Variants in IMPG2 observed in about 807,000 individuals in gnomAD.
The protein encoded by IMPG2 is interphotoreceptor matrix proteoglycan 2.
Under a neutral mutation model 129.2 loss-of-function variants are expected in IMPG2, and 91 were observed. The ratio of observed to expected loss-of-function variants is 0.70; its 90% CI spans 0.59 to 0.84. IMPG2 has a LOEUF of 0.84. Ranked by LOEUF, IMPG2 falls within the 40% of genes least tolerant of loss-of-function variation. The pLI is 0.00. For synonymous variants in IMPG2, 510 were observed against 517.7 expected, an observed-to-expected ratio of 0.99 and a Z score of 0.20; for missense variants, 1,430 against 1,461.7, an observed-to-expected ratio of 0.98 and a Z score of 0.35.
In IMPG2 at chr3:101,243,793, G is replaced by A. The variant is rs2107219391; in HGVS notation, c.2538C>T (p.Gly846=). The A allele has an allele frequency of 1.2e-5, 20 of 1,614,060 alleles. No homozygotes were observed. Among genetic ancestry groups the A allele is most frequent in the Non-Finnish European group, 1.7e-5 (20 of 1,179,992 alleles). The stretch of plus-strand genomic sequence containing the variant: ...CTTGCTCAGGCTGATAGTAATCTGT[G>A]CCTATCCGGTCCAGTTCTAACGAAA... The part of the protein sequence containing the change: ...QDISLELDRI[G]TDYYQPEQVQ... Residue 846 remains glycine (G), a synonymous_variant, in exon 13 of 19, where the codon GGC becomes GGT. Transcript: ENST00000193391.
At position 101,317,978 on chromosome 3, in the gene IMPG2, CA is replaced by C. The variant is rs887698508; in HGVS notation, c.334+1605del. On this transcript the variant is annotated intron_variant, in intron 2 of 18. Transcript: ENST00000193391. ...CTACCAAAAACACAAAAAAACAAAACAAAAAAAACTAGCTGGGCATGGTGGC... is the reference window on the plus strand; with the variant it reads ...CTACCAAAAACACAAAAAAACAAAACAAAAAAACTAGCTGGGCATGGTGGC... Among the ~76,000 whole-genome samples the C allele has an allele frequency of 4.0e-5, 6 of 150,648 alleles. No individual in the cohort carries two copies. In the East Asian group the frequency reaches 1.2e-3, roughly 29 times the overall value.
At chr3:101,285,690 T>C (rs1181067264) in intron 4 of IMPG2, among the ~76,000 whole-genome samples, 1 of 152,202 alleles carries the variant, frequency 6.6e-6, no homozygotes, top group Non-Finnish European at 1.5e-5. Flanking sequence ...AAATCTTTCT[T>C]CATTTGAAGT....
At position 101,257,409 on chromosome 3, in the gene IMPG2, C is replaced by T. The variant is rs1337479932; in HGVS notation, c.1153+120G>A. On this transcript the variant is annotated intron_variant, in intron 10 of 18. Transcript: ENST00000193391. ...TAAAACTCCATTCATATCAGGTTGG[C>T]TCCTGTCTCATAAAGTCTAGAGAAT... The T allele has an allele frequency of 9.1e-6, 11 of 1,208,226 alleles. No homozygotes were observed. The Admixed American group carries it at 2.0e-4, about 22-fold the overall frequency. The allele number at this position is 1,208,226 out of a possible 1,614,324, so 74.8% of individuals were successfully genotyped here. A position where few individuals can be genotyped will look rare whatever the true frequency, so the allele number is the denominator to read the frequency against.
intron 2 of IMPG2, among the ~76,000 whole-genome samples, chr3:101,317,463 T>C (rs1351552339): frequency 1.3e-5 from 2 of 152,154 alleles, no homozygotes; most frequent in Non-Finnish European, 2.9e-5. Flanking sequence ...ATTAGCTTGG[T>C]AGAAAGAGCT....
chr3:101,293,209 G>A (rs1707040731), intron 3 of IMPG2, among the ~76,000 whole-genome samples: 1 of 151,964 alleles, frequency 6.6e-6, no homozygotes, highest in Non-Finnish European at 1.5e-5. Context: ...CACTATCTAC[G>A]GCAGCTGTAT....
intron 16 of IMPG2, among the ~76,000 whole-genome samples, chr3:101,229,879 G>A (rs185924088): frequency 4.6e-5 from 7 of 152,336 alleles, no homozygotes; most frequent in African/African-American, 1.7e-4. Context: ...ATGTCTGCCA[G>A]TAGATGGTGC....
At chr3:101,243,020 T>C (rs1706427758) in intron 13 of IMPG2, 113 bp from the exon 14 acceptor site, 13 of 807,860 alleles carry the variant, frequency 1.6e-5, no homozygotes, top group South Asian at 1.4e-4. Context: ...CTTTTCCTAA[T>C]TGTATTTTAT....
intron 3 of IMPG2, among the ~76,000 whole-genome samples, chr3:101,297,997 G>C (rs1485545913): frequency 6.6e-6 from 1 of 152,210 alleles, no homozygotes; most frequent in Non-Finnish European, 1.5e-5. Context: ...TGACAGTGGA[G>C]TGTTAAAGTC....
intron 5 of IMPG2, 120 bp from the exon 6 acceptor site, chr3:101,275,865 T>C: frequency 2.6e-6 from 2 of 770,996 alleles, no homozygotes; most frequent in East Asian, 2.6e-5. Context: ...TTTATTGTCC[T>C]GGAAATTCGG....
At chr3:101,305,704 A>G (rs1707182713) in intron 2 of IMPG2, among the ~76,000 whole-genome samples, 1 of 152,162 alleles carries the variant, frequency 6.6e-6, no homozygotes, top group African/African-American at 2.4e-5. Flanking sequence ...ACATACATAC[A>G]CATGAACTTT....
chr3:101,294,859 T>C (rs2107129528), intron 3 of IMPG2, among the ~76,000 whole-genome samples: 1 of 152,372 alleles, frequency 6.6e-6, no homozygotes, highest in East Asian at 1.9e-4. Context: ...ATGAGCTTTT[T>C]TTCATATGTT....
chr3:101,313,494 T>C (rs1230740923), intron 2 of IMPG2, among the ~76,000 whole-genome samples: 4 of 152,138 alleles, frequency 2.6e-5, no homozygotes, highest in African/African-American at 9.6e-5. Context: ...TTTGAGAAGA[T>C]GTACAAATGG....
In IMPG2 at chr3:101,243,719, C is replaced by T; in HGVS notation, c.2612G>A (p.Ser871Asn). 6.2e-7 allele frequency: 1 copy of T among 1,613,954 alleles called. No individual in the cohort carries two copies. Among genetic ancestry groups the T allele is most frequent in the South Asian group, 1.1e-5 (1 of 91,030 alleles). The change falls in exon 13 of 19, where the codon AGT (serine) becomes AAT (asparagine). Residue 871 changes from serine to asparagine, a missense_variant. Transcript: ENST00000193391. ...KVGSYVEMST[S>N]VHSTEMVSVA... ...ACTAACCATCTCTGTGGAGTGAACA[C>T]TTGTTGACATTTCCACATAACTACC...
intron 3 of IMPG2, 104 bp from the exon 4 acceptor site, chr3:101,291,614 CTA>C (rs1707010371): frequency 1.3e-6 from 1 of 799,896 alleles, no homozygotes; most frequent in Admixed American, 2.0e-5. Context: ...ATGGTAGAAT[CTA>C]TGTTAGTACT....
At chr3:101,294,313 A>T (rs777226053) in intron 3 of IMPG2, among the ~76,000 whole-genome samples, 1 of 151,176 alleles carries the variant, frequency 6.6e-6, no homozygotes, top group Non-Finnish European at 1.5e-5. Context: ...TCACTGTTCA[A>T]CTCCCACTTA....
chr3:101,320,146 C>T lies in IMPG2; in HGVS notation c.85+142G>A, dbSNP rs149609828. ...CAAAATTATTGGAGATATTTTAAAA[C>T]GGTTTAAATGAAGCCATATCAAAGA... On this transcript the variant is annotated intron_variant, in intron 1 of 18. Transcript: ENST00000193391. 5.9e-4 allele frequency: 396 copies of T among 676,528 alleles called. 3 individuals are homozygous for T. In the African/African-American group the frequency reaches 6.2e-3, roughly 11 times the overall value. The allele number at this position is 676,528 out of a possible 1,614,324, so 41.9% of individuals were successfully genotyped here. A position where few individuals can be genotyped will look rare whatever the true frequency, so the allele number is the denominator to read the frequency against.
chr3:101,241,987 C>G, intron 14 of IMPG2, among the ~76,000 whole-genome samples: 1 of 151,742 alleles, frequency 6.6e-6, no homozygotes, highest in East Asian at 1.9e-4. Context: ...CAAGGTCACA[C>G]CATTACACTC....
chr3:101,245,971 T>C lies in IMPG2; in HGVS notation c.1374A>G (p.Leu458=). 1.2e-6 allele frequency: 2 copies of C among 1,614,142 alleles called. No individual in the cohort carries two copies. Among genetic ancestry groups the C allele is most frequent in the Non-Finnish European group, 1.7e-6 (2 of 1,180,008 alleles). ...ELWSESPLGD[L]VSTHKLAFPS... ...GAAAGGCTAATTTGTGTGTAGACAC[T>C]AAATCACCCAAAGGACTTTCTGACC... Residue 458 remains leucine, a synonymous_variant, in exon 12 of 19, where the codon TTA becomes TTG. Coordinates refer to ENST00000193391, the MANE Select transcript of IMPG2 (RefSeq NM_016247.4).
chr3:101,257,794 C>T, intron 9 of IMPG2, 21 bp from the exon 10 acceptor site: 1 of 1,612,574 alleles, frequency 6.2e-7, no homozygotes, highest in Non-Finnish European at 8.5e-7. Context: ...AAAGAGAGAA[C>T]AGGTTAGGTT....
Sources: gnomAD v4.1 joint callset for allele counts (sites outside exome capture counted in the v4.1 genomes callset) on GRCh38, gnomAD v4.1.1 for gene constraint, MANE v1.5 for transcripts, NCBI Gene and HGNC (gene_info 2026-07-23, HGNC 2026-07-21) for gene names.